PHF24: variants seen among roughly 807,000 people sequenced by gnomAD.
PHF24 encodes the protein PHD finger protein 24.
In PHF24, 25 loss-of-function variants were observed where a neutral mutation model predicts 42.6. The observed-to-expected ratio is 0.59, with a 90% CI of 0.43 to 0.82. The LOEUF (loss-of-function observed/expected upper bound fraction) is 0.82, where lower values mean the gene tolerates loss of function less well. PHF24 is among the 40% of genes least tolerant of loss of function. The pLI is 0.00. For synonymous variants in PHF24, 185 were observed against 204.8 expected (o/e 0.90, Z 0.83); for missense variants, 470 against 538.1 (o/e 0.87, Z 1.25).
At chr9:34,869,989 C>T in the PHF24 span, among the ~76,000 whole-genome samples, 3 of 152,080 alleles carry the variant, frequency 2.0e-5, no homozygotes, top group South Asian at 6.2e-4. Flanking sequence ...CTTAGAACTT[C>T]CTCCAGCACA....
At chr9:34,832,678 A>C in the PHF24 span, 2 of 1,541,496 alleles carry the variant, frequency 1.3e-6, no homozygotes, top group Non-Finnish European at 1.8e-6. Context: ...CTGAAGCTAG[A>C]CTCTGTAAGG....
the PHF24 span, among the ~76,000 whole-genome samples, chr9:34,873,386 G>A: frequency 6.6e-6 from 1 of 152,100 alleles, no homozygotes; most frequent in African/African-American, 2.4e-5. Context: ...TTTGTATAAG[G>A]TGTAAGGAAG....
chr9:34,888,371 A>G, the PHF24 span, among the ~76,000 whole-genome samples: 4 of 152,186 alleles, frequency 2.6e-5, no homozygotes, highest in Non-Finnish European at 5.9e-5. Flanking sequence ...CATAGCAAGT[A>G]CTTGAATATT....
At chr9:34,906,166 A>G in the PHF24 span, among the ~76,000 whole-genome samples, 1 of 152,194 alleles carries the variant, frequency 6.6e-6, no homozygotes, top group African/African-American at 2.4e-5. Flanking sequence ...AAAATATTTT[A>G]AAGAGGTTTA....
the PHF24 span, among the ~76,000 whole-genome samples, chr9:34,667,672 G>T: frequency 6.6e-6 from 1 of 152,216 alleles, no homozygotes; most frequent in African/African-American, 2.4e-5. Context: ...GGGCTCAGAG[G>T]GGGCAGACAG....
the PHF24 span, among the ~76,000 whole-genome samples, chr9:34,841,069 G>A: frequency 5.9e-5 from 9 of 151,674 alleles, no homozygotes; most frequent in Non-Finnish European, 1.2e-4. Context: ...GCGCGATCTC[G>A]GCTCACTGCA....
chr9:34,703,951 C>T, the PHF24 span, among the ~76,000 whole-genome samples: 1 of 152,040 alleles, frequency 6.6e-6, no homozygotes, highest in Admixed American at 6.5e-5. Context: ...CTCCTGAGTT[C>T]AAGAGATCCT....
the PHF24 span, among the ~76,000 whole-genome samples, chr9:34,745,985 T>C: frequency 6.6e-6 from 1 of 152,166 alleles, no homozygotes; most frequent in Non-Finnish European, 1.5e-5. Context: ...GGGGTCAAGA[T>C]TCAAGTGAGA....
chr9:34,924,180 G>A, the PHF24 span, among the ~76,000 whole-genome samples: 1 of 151,998 alleles, frequency 6.6e-6, no homozygotes, highest in Non-Finnish European at 1.5e-5. Flanking sequence ...TATTATTTCA[G>A]TTTTCCTGAA....
chr9:34,761,272 C>A, the PHF24 span, among the ~76,000 whole-genome samples: 1 of 151,732 alleles, frequency 6.6e-6, no homozygotes, highest in Non-Finnish European at 1.5e-5. Flanking sequence ...TTTAAATAAT[C>A]GGCATGAATT....
At chr9:34,892,271 T>C in the PHF24 span, among the ~76,000 whole-genome samples, 1 of 152,116 alleles carries the variant, frequency 6.6e-6, no homozygotes. Context: ...AGTGGATCCT[T>C]CAAAAACCCT....
chr9:34,723,934 G>T, the PHF24 span: 4 of 1,551,416 alleles, frequency 2.6e-6, no homozygotes, highest in South Asian at 3.6e-5. Context: ...CAAGATGAAA[G>T]CTACGGCTCC....
the PHF24 span, among the ~76,000 whole-genome samples, chr9:34,877,291 A>AG: frequency 6.6e-6 from 1 of 152,004 alleles, no homozygotes; most frequent in Non-Finnish European, 1.5e-5. Flanking sequence ...AAAAAAAAAA[A>AG]AAAAAGAAAA....
the PHF24 span, chr9:34,725,051 G>A: frequency 2.0e-3 from 3,092 of 1,551,820 alleles, 5 homozygotes; most frequent in Non-Finnish European, 2.4e-3. Context: ...ATGCAGGTCC[G>A]GGTCACTTGC....
the PHF24 span, among the ~76,000 whole-genome samples, chr9:34,682,586 A>G: frequency 6.6e-6 from 1 of 152,128 alleles, no homozygotes; most frequent in Non-Finnish European, 1.5e-5. Flanking sequence ...ATTTATTATT[A>G]TTATTTTCAT....
the PHF24 span, among the ~76,000 whole-genome samples, chr9:34,919,800 CAA>C: frequency 6.6e-6 from 1 of 151,090 alleles, no homozygotes; most frequent in Non-Finnish European, 1.5e-5. Flanking sequence ...TGAGAACATG[CAA>C]AGTTTGTCTT....
chr9:34,886,180 G>A, the PHF24 span, among the ~76,000 whole-genome samples: 1 of 149,412 alleles, frequency 6.7e-6, no homozygotes, highest in Admixed American at 6.7e-5. Context: ...TTCTCCCCTT[G>A]CTGTCTTGCT....
chr9:34,731,931 GC>G, the PHF24 span, among the ~76,000 whole-genome samples: 2 of 151,776 alleles, frequency 1.3e-5, no homozygotes, highest in African/African-American at 4.8e-5. Context: ...GCTCACTGGA[GC>G]CTCAACCTCC....
chr9:34,816,844 A>G, the PHF24 span, among the ~76,000 whole-genome samples: 66 of 152,260 alleles, frequency 4.3e-4, no homozygotes, highest in Non-Finnish European at 7.6e-4. Context: ...AACCACACAG[A>G]CTCTCAGGAC....
Sources: allele counts gnomAD v4.1 joint callset (sites outside exome capture counted in the v4.1 genomes callset), GRCh38; gene constraint gnomAD v4.1.1; transcripts MANE v1.5; gene names NCBI Gene and HGNC (gene_info 2026-07-23, HGNC 2026-07-21).